Variants in SHC4 observed in about 807,000 individuals in gnomAD.
SHC4 encodes the protein SHC adaptor protein 4.
SHC4 carries 41 observed loss-of-function variants against 69.4 expected under a neutral mutation model. The ratio of observed to expected loss-of-function variants is 0.59; its 90% CI spans 0.46 to 0.77. The LOEUF (loss-of-function observed/expected upper bound fraction) is 0.77, where lower values mean the gene tolerates loss of function less well. SHC4 is among the 30% of genes least tolerant of loss of function. SHC4 has a pLI of 0.00. For missense variants in SHC4, 777 were observed against 783.8 expected, an observed-to-expected ratio of 0.99 and a Z score of 0.10; for synonymous variants, 318 against 299.3, an observed-to-expected ratio of 1.06 and a Z score of -0.64.
chr15:48,940,626 G>A (rs1043323286), intron 1 of SHC4, among the ~76,000 whole-genome samples: 2 of 152,200 alleles, frequency 1.3e-5, no homozygotes, highest in African/African-American at 4.8e-5. Context: ...GTCCCTAGTA[G>A]CAGCATCAGT....
At chr15:48,836,646 G>C (rs1208171892) in intron 10 of SHC4, among the ~76,000 whole-genome samples, 1 of 151,910 alleles carries the variant, frequency 6.6e-6, no homozygotes, top group Non-Finnish European at 1.5e-5. Context: ...CCTTAGGTAA[G>C]GGTCTTGCAA....
At chr15:48,851,667 G>A (rs983080505) in intron 8 of SHC4, among the ~76,000 whole-genome samples, 1 of 152,164 alleles carries the variant, frequency 6.6e-6, no homozygotes, top group Non-Finnish European at 1.5e-5. Flanking sequence ...TTTATGCCAG[G>A]CTCACGTCTC....
intron 9 of SHC4, among the ~76,000 whole-genome samples, chr15:48,847,863 A>C (rs1232077121): frequency 6.6e-6 from 1 of 151,834 alleles, no homozygotes; most frequent in Admixed American, 6.6e-5. Flanking sequence ...TTAGCCAGGC[A>C]TGGTGGCGCA....
chr15:48,916,273 TCACACACACACACACACACA>T (rs71120648), intron 2 of SHC4, among the ~76,000 whole-genome samples: 13 of 142,448 alleles, frequency 9.1e-5, no homozygotes, highest in African/African-American at 1.6e-4. Flanking sequence ...TGATGGTTGC[TCACACACACACACACACACA>T]CACACACACA....
At chr15:48,849,114 G>C (rs1368337792) in intron 9 of SHC4, among the ~76,000 whole-genome samples, 3 of 152,098 alleles carry the variant, frequency 2.0e-5, no homozygotes, top group African/African-American at 7.2e-5. Context: ...TGCTGTTGTA[G>C]GTTCGACACT....
At chr15:48,872,029 C>T (rs948662589) in intron 5 of SHC4, 60 bp downstream of exon 5, 15 of 1,030,996 alleles carry the variant, frequency 1.5e-5, no homozygotes, top group Non-Finnish European at 2.1e-5. Context: ...TATCATCCAG[C>T]CCCAAATGTC....
chr15:48,958,546 C>G (rs1901490406), intron 1 of SHC4, among the ~76,000 whole-genome samples: 1 of 152,190 alleles, frequency 6.6e-6, no homozygotes, highest in African/African-American at 2.4e-5. Context: ...TTTATTAAGT[C>G]TTTGAGCCAA....
intron 1 of SHC4, among the ~76,000 whole-genome samples, chr15:48,939,293 G>A (rs1901131463): frequency 6.6e-6 from 1 of 152,194 alleles, no homozygotes. Context: ...CAGGGAATCA[G>A]GGAAGAAGGG....
chr15:48,940,543 A>G (rs969283094), intron 1 of SHC4, among the ~76,000 whole-genome samples: 1 of 151,986 alleles, frequency 6.6e-6, no homozygotes, highest in African/African-American at 2.4e-5. Context: ...CTTCTACTCC[A>G]TTTTCCGTTT....
intron 4 of SHC4, chr15:48,879,858 A>G (rs1487115458): frequency 1.2e-5 from 2 of 166,998 alleles, no homozygotes; most frequent in Non-Finnish European, 2.9e-5. Context: ...ACTACTTTCT[A>G]TTGTATGTGT....
At chr15:48,839,072 T>G (rs1370119354) in intron 10 of SHC4, among the ~76,000 whole-genome samples, 1 of 151,740 alleles carries the variant, frequency 6.6e-6, no homozygotes, top group Non-Finnish European at 1.5e-5. Context: ...TTGGGCACAT[T>G]GGAAAGATAA....
At chr15:48,927,925 C>G (rs1265491637) in intron 1 of SHC4, among the ~76,000 whole-genome samples, 1 of 152,176 alleles carries the variant, frequency 6.6e-6, no homozygotes, top group African/African-American at 2.4e-5. Context: ...TGGCTATAAC[C>G]ACCATAAGAT....
chr15:48,859,306 GGTGTGTGTGTGT>G (rs58641880), intron 6 of SHC4, among the ~76,000 whole-genome samples: 8 of 145,824 alleles, frequency 5.5e-5, no homozygotes, highest in East Asian at 4.0e-4. Flanking sequence ...ATTTGAAAGG[GGTGTGTGTGTGT>G]GTGTGTGTGT....
rs1352278961 is a variant in SHC4 at position 48,920,755 on chromosome 15, A to G, written c.656+4124T>C. Among the ~76,000 whole-genome samples, 6 of 152,126 alleles carry G rather than the reference A, an allele frequency of 3.9e-5. No individual in the cohort carries two copies. In the South Asian group the frequency reaches 6.2e-4, roughly 16 times the overall value. On this transcript the variant is annotated intron_variant, in intron 2 of 11. Transcript: ENST00000332408. ...CTTTGGAAATATAATCAAGATATAT[A>G]TATGATGTTAATCACAGCATTACTT... is the stretch of plus-strand genomic sequence containing the variant.
intron 6 of SHC4, among the ~76,000 whole-genome samples, chr15:48,865,641 T>G (rs1595737373): frequency 6.6e-6 from 1 of 152,342 alleles, no homozygotes; most frequent in East Asian, 1.9e-4. Flanking sequence ...AACCCAGTCT[T>G]TCTGACTCCA....
intron 6 of SHC4, among the ~76,000 whole-genome samples, chr15:48,861,049 T>C (rs895784133): frequency 6.6e-6 from 1 of 152,208 alleles, no homozygotes; most frequent in Non-Finnish European, 1.5e-5. Context: ...TTCTGATGCT[T>C]TGAGGTTTGG....
At chr15:48,877,590 T>TA in intron 4 of SHC4, 1 of 984,330 alleles carries the variant, frequency 1.0e-6, no homozygotes, top group Non-Finnish European at 1.2e-6. Flanking sequence ...AGTGGAAAGA[T>TA]ACCTCCCAGG....
Position 48,929,028 on chromosome 15 carries a change from C to T in SHC4, c.586-4079G>A, listed in dbSNP as rs556562227. Among the ~76,000 whole-genome samples, 171 of 152,230 alleles carry T rather than the reference C, an allele frequency of 1.1e-3. 2 individuals are homozygous for T. Among genetic ancestry groups the T allele is most frequent in the Non-Finnish European group, 8.8e-5 (6 of 68,004 alleles). Reference sequence around the variant, plus strand: ...ATGATTGACAATGAGGACAAGTCCCCTTCCACTGTGGGCATGTGTTGAGAA... The same window carrying T: ...ATGATTGACAATGAGGACAAGTCCCTTTCCACTGTGGGCATGTGTTGAGAA... On this transcript the variant is annotated intron_variant, in intron 1 of 11. Coordinates refer to ENST00000332408, the MANE Select transcript of SHC4 (RefSeq NM_203349.4).
At chr15:48,954,225 C>G (rs1449663453) in intron 1 of SHC4, among the ~76,000 whole-genome samples, 1 of 152,204 alleles carries the variant, frequency 6.6e-6, no homozygotes, top group African/African-American at 2.4e-5. Flanking sequence ...TTCACCTCCC[C>G]TCCCAGCTAA....
Sources: allele counts gnomAD v4.1 joint callset (sites outside exome capture counted in the v4.1 genomes callset), GRCh38; gene constraint gnomAD v4.1.1; transcripts MANE v1.5; gene names NCBI Gene and HGNC (gene_info 2026-07-23, HGNC 2026-07-21).